CHST11: variants seen among roughly 807,000 people sequenced by gnomAD.
CHST11 encodes the protein carbohydrate sulfotransferase 11.
In CHST11, 9 loss-of-function variants were observed where a neutral mutation model predicts 30.4. That is an observed-to-expected ratio of 0.30 (90% CI 0.18 to 0.52). The LOEUF is 0.52. CHST11 is among the 20% of genes least tolerant of loss of function. The pLI is 0.97. For synonymous variants in CHST11, 152 were observed against 187.8 expected, an observed-to-expected ratio of 0.81 and a Z score of 1.56; for missense variants, 348 against 460.6, an observed-to-expected ratio of 0.76 and a Z score of 2.24.
At chr12:104,670,602 C>T (rs1321261561) in intron 2 of CHST11, among the ~76,000 whole-genome samples, 2 of 150,030 alleles carry the variant, frequency 1.3e-5, no homozygotes, top group African/African-American at 4.9e-5. Context: ...CACACTCCCA[C>T]ACAAACACAT....
At chr12:104,721,340 T>C (rs2040174505) in intron 2 of CHST11, among the ~76,000 whole-genome samples, 1 of 152,170 alleles carries the variant, frequency 6.6e-6, no homozygotes, top group African/African-American at 2.4e-5. Context: ...TACCTCAGAA[T>C]GGTGCCTTCA....
rs1200527450 is a variant in CHST11, at chr12:104,720,864, G to A, written c.205-36085G>A. On this transcript the variant is annotated intron_variant, in intron 2 of 2. Coordinates refer to ENST00000303694, the MANE Select transcript of CHST11 (RefSeq NM_018413.6). ...TTTGGGACTTTTAAAATGACAGCAC[G>A]TCTTATAGACGCCGTTCACCTCTCC... 5.3e-5 allele frequency among the ~76,000 whole-genome samples: 8 copies of A among 152,132 alleles called. No homozygotes were observed. The East Asian group carries it at 9.6e-4, about 18-fold the overall frequency.
intron 2 of CHST11, among the ~76,000 whole-genome samples, chr12:104,623,565 C>T (rs931671473): frequency 6.6e-6 from 1 of 152,146 alleles, no homozygotes; most frequent in African/African-American, 2.4e-5. Context: ...ACAAAATTAG[C>T]CAGGCATGGT....
intron 1 of CHST11, among the ~76,000 whole-genome samples, chr12:104,462,167 C>CAAAAAAAAAAAAAAAAAAAAAA (rs796356338): frequency 1.1e-4 from 7 of 65,594 alleles, no homozygotes; most frequent in African/African-American, 3.6e-4. Flanking sequence ...AACACCATCT[C>CAAAAAAAAAAAAAAAAAAAAAA]AAAAAAAAAA....
chr12:104,501,350 G>T (rs531733106), intron 1 of CHST11, among the ~76,000 whole-genome samples: 1 of 152,326 alleles, frequency 6.6e-6, no homozygotes, highest in African/African-American at 2.4e-5. Context: ...GATCCAGGAA[G>T]TAACAAGAGG....
chr12:104,647,239 G>C (rs879834789), intron 2 of CHST11, among the ~76,000 whole-genome samples: 1 of 152,226 alleles, frequency 6.6e-6, no homozygotes, highest in Non-Finnish European at 1.5e-5. Flanking sequence ...TTGTGTGGCT[G>C]TCAGAGTCCG....
At chr12:104,481,597 T>C (rs1593959630) in intron 1 of CHST11, among the ~76,000 whole-genome samples, 1 of 151,970 alleles carries the variant, frequency 6.6e-6, no homozygotes, top group East Asian at 1.9e-4. Context: ...CACGCGTCGA[T>C]GGGGGGCAAC....
chr12:104,464,649 A>G (rs1443845889), intron 1 of CHST11, among the ~76,000 whole-genome samples: 1 of 152,182 alleles, frequency 6.6e-6, no homozygotes, highest in Non-Finnish European at 1.5e-5. Flanking sequence ...TGGGACTTAC[A>G]GGTGTGCCAC....
chr12:104,493,474 G>C (rs1022696477), intron 1 of CHST11, among the ~76,000 whole-genome samples: 1 of 152,228 alleles, frequency 6.6e-6, no homozygotes. Context: ...GTTCGTTGGT[G>C]AATGAAGTAC....
At chr12:104,552,741 C>T (rs555904398) in intron 1 of CHST11, 4 of 152,160 alleles carry the variant, frequency 2.6e-5, no homozygotes, top group East Asian at 1.9e-4. Context: ...TCTTAGAAGA[C>T]AGCCTCTGAG....
chr12:104,506,238 C>T (rs1266738338), intron 1 of CHST11, among the ~76,000 whole-genome samples: 5 of 152,170 alleles, frequency 3.3e-5, no homozygotes, highest in African/African-American at 7.2e-5. Flanking sequence ...ACTCAAGTCA[C>T]CTATTGCAGG....
chr12:104,682,476 G>C (rs1305275033), intron 2 of CHST11, among the ~76,000 whole-genome samples: 1 of 152,218 alleles, frequency 6.6e-6, no homozygotes, highest in Non-Finnish European at 1.5e-5. Context: ...TATTTTAGTT[G>C]TGTCCTTGGT....
intron 1 of CHST11, among the ~76,000 whole-genome samples, chr12:104,483,454 C>T (rs1466803620): frequency 1.3e-5 from 2 of 152,248 alleles, no homozygotes; most frequent in African/African-American, 2.4e-5. Context: ...GATCGGCCTG[C>T]CTCGGCCTCT....
At chr12:104,726,625 C>T (rs2040219094) in intron 2 of CHST11, among the ~76,000 whole-genome samples, 1 of 152,102 alleles carries the variant, frequency 6.6e-6, no homozygotes, top group Non-Finnish European at 1.5e-5. Flanking sequence ...AACCCTGCTT[C>T]AGGATGGGGT....
intron 2 of CHST11, among the ~76,000 whole-genome samples, chr12:104,667,938 G>A (rs2039656766): frequency 6.6e-6 from 1 of 152,172 alleles, no homozygotes; most frequent in Non-Finnish European, 1.5e-5. Flanking sequence ...GATGATTTGT[G>A]TGCCTAGTCA....
At chr12:104,751,487 A>G (rs1257764644) in intron 2 of CHST11, among the ~76,000 whole-genome samples, 1 of 152,254 alleles carries the variant, frequency 6.6e-6, no homozygotes, top group Admixed American at 6.5e-5. Context: ...CATGAATTGC[A>G]AAGGTCAGAG....
intron 1 of CHST11, among the ~76,000 whole-genome samples, chr12:104,554,024 G>A (rs769260724): frequency 2.2e-4 from 34 of 152,278 alleles, no homozygotes; most frequent in Non-Finnish European, 4.0e-4. Flanking sequence ...TTCTTGCCAT[G>A]TTGGTGTCTC....
rs1043235621 is a variant in CHST11, at chr12:104,711,517, A to G, written c.205-45432A>G. On this transcript the variant is annotated intron_variant, in intron 2 of 2. Coordinates refer to ENST00000303694, the MANE Select transcript of CHST11 (RefSeq NM_018413.6). ...GGCGATTTCCCAATTAATCTTGGGAACGACCCAAGGACAATGTCAGCCAAT... is the reference window on the plus strand; with the variant it reads ...GGCGATTTCCCAATTAATCTTGGGAGCGACCCAAGGACAATGTCAGCCAAT... Among the ~76,000 whole-genome samples the G allele has an allele frequency of 2.6e-5, 4 of 152,262 alleles. No homozygotes were observed. The East Asian group carries it at 5.8e-4, about 22-fold the overall frequency.
intron 1 of CHST11, among the ~76,000 whole-genome samples, chr12:104,532,325 C>A (rs917385359): frequency 6.6e-6 from 1 of 152,104 alleles, no homozygotes; most frequent in Admixed American, 6.5e-5. Context: ...TTCCCACCCC[C>A]ACCCCGTTAT....
Sources: allele counts gnomAD v4.1 joint callset (sites outside exome capture counted in the v4.1 genomes callset), GRCh38; gene constraint gnomAD v4.1.1; transcripts MANE v1.5; gene names NCBI Gene and HGNC (gene_info 2026-07-23, HGNC 2026-07-21).